The following CLVS1 variants were observed in gnomAD, a reference collection of about 807,000 sequenced individuals.
CLVS1 encodes the protein clavesin-1.
Under a neutral mutation model 33.1 loss-of-function variants are expected in CLVS1, and 10 were observed. That is an observed-to-expected ratio of 0.30 (90% CI 0.19 to 0.51). CLVS1 has a LOEUF of 0.51. CLVS1 is among the 20% of genes least tolerant of loss of function. The pLI is 0.97. For synonymous variants in CLVS1, 163 were observed against 166.1 expected, an observed-to-expected ratio of 0.98 and a Z score of 0.14; for missense variants, 343 against 433.4, an observed-to-expected ratio of 0.79 and a Z score of 1.85.
intron 2 of CLVS1, among the ~76,000 whole-genome samples, chr8:61,309,351 T>C (rs1810752718): frequency 6.6e-6 from 1 of 152,232 alleles, no homozygotes; most frequent in African/African-American, 2.4e-5. Flanking sequence ...GTTACAGTCA[T>C]CTGTCCTTGT....
chr8:61,246,082 T>C (rs990088655), intron 2 of CLVS1, among the ~76,000 whole-genome samples: 2 of 151,128 alleles, frequency 1.3e-5, no homozygotes, highest in African/African-American at 2.4e-5. Flanking sequence ...CTGTCTTATA[T>C]GTTTTAAGAT....
intron 2 of CLVS1, among the ~76,000 whole-genome samples, chr8:61,349,779 G>T (rs184635010): frequency 2.0e-5 from 3 of 152,116 alleles, no homozygotes; most frequent in Admixed American, 1.3e-4. Context: ...CCAGAATAAG[G>T]CTTCATAAAT....
At chr8:61,337,970 A>G (rs957371408) in intron 2 of CLVS1, among the ~76,000 whole-genome samples, 4 of 152,238 alleles carry the variant, frequency 2.6e-5, no homozygotes, top group African/African-American at 9.6e-5. Flanking sequence ...ACTGACTTTT[A>G]AATGATCTCC....
chr8:61,242,831 T>C (rs1264472094), intron 2 of CLVS1, among the ~76,000 whole-genome samples: 1 of 152,102 alleles, frequency 6.6e-6, no homozygotes, highest in African/African-American at 2.4e-5. Context: ...AAATAAAATG[T>C]ATTTTCTATT....
rs138152837 is a variant in CLVS1, at chr8:61,355,609, C to T, written c.456-20996C>T. Among the ~76,000 whole-genome samples, 744 of 152,240 alleles carry T rather than the reference C, an allele frequency of 4.9e-3. 6 individuals are homozygous for T. Among genetic ancestry groups the T allele is most frequent in the African/African-American group, 0.017 (704 of 41,546 alleles). On this transcript the variant is annotated intron_variant, in intron 2 of 5. Transcript: ENST00000325897. ...TCCCCAGAGCCTGATGTTCCCTTTC[C>T]TGTGTCCATGTGTTCTCATTGTTCA... is the stretch of plus-strand genomic sequence containing the variant.
intron 3 of CLVS1, among the ~76,000 whole-genome samples, chr8:61,439,482 T>C (rs1385228957): frequency 6.6e-6 from 1 of 152,186 alleles, no homozygotes; most frequent in Non-Finnish European, 1.5e-5. Flanking sequence ...ATTTCACTCC[T>C]TCTCTCCTCC....
Position 61,136,653 on chromosome 8 carries a change from TAGAA to T in CLVS1, c.-152+4794_-152+4797del, listed in dbSNP as rs1806195637. Among the ~76,000 whole-genome samples the T allele has an allele frequency of 2.0e-5, 3 of 151,926 alleles. 1 individual carries two copies. Among genetic ancestry groups the T allele is most frequent in the African/African-American group, 7.3e-5 (3 of 41,332 alleles). ...AATGATGAGAACACACATGGACACA[TAGAA>T]GGGAACAACACACACCGGGGCCTTT... On this transcript the variant is annotated intron_variant, in intron 2 of 2. Transcript: ENST00000522621.
the CLVS1 span, among the ~76,000 whole-genome samples, chr8:61,036,119 T>C: frequency 3.9e-5 from 6 of 152,354 alleles, no homozygotes; most frequent in Non-Finnish European, 2.9e-5. Flanking sequence ...GTATTGGCAT[T>C]GTAGGTTGTC....
chr8:61,487,141 C>G (rs1301991048), intron 5 of CLVS1, among the ~76,000 whole-genome samples: 1 of 152,094 alleles, frequency 6.6e-6, no homozygotes, highest in Non-Finnish European at 1.5e-5. Flanking sequence ...AGCTCCCAGG[C>G]TCTGCCCCTG....
intron 3 of CLVS1, among the ~76,000 whole-genome samples, chr8:61,402,038 A>G (rs980757417): frequency 1.3e-4 from 20 of 152,174 alleles, no homozygotes; most frequent in South Asian, 2.1e-4. Flanking sequence ...AATCTTAGGT[A>G]TCTTTTATTC....
intron 2 of CLVS1, among the ~76,000 whole-genome samples, chr8:61,308,677 C>T (rs906592855): frequency 6.6e-6 from 1 of 152,082 alleles, no homozygotes; most frequent in Non-Finnish European, 1.5e-5. Flanking sequence ...GGAGAGCCCT[C>T]GATGGAGACT....
In CLVS1 at chr8:61,119,212, T is replaced by C. The variant is rs190132515; in HGVS notation, c.-242-12558T>C. ...ATGGCAACCCCTGCCTTTATTTGTT[T>C]TCCATTTGCTTGGTAGATCTTCCTC... is the stretch of plus-strand genomic sequence containing the variant. On this transcript the variant is annotated intron_variant, in intron 1 of 2. Transcript: ENST00000522621. Among the ~76,000 whole-genome samples the C allele has an allele frequency of 5.3e-5, 8 of 152,316 alleles. No individual in the cohort carries two copies. In the East Asian group the frequency reaches 1.5e-3, roughly 29 times the overall value.
intron 2 of CLVS1, among the ~76,000 whole-genome samples, chr8:61,261,895 A>T (rs1272470168): frequency 1.3e-5 from 2 of 152,070 alleles, no homozygotes; most frequent in Non-Finnish European, 2.9e-5. Flanking sequence ...CATGTTCTTC[A>T]GGCAAGGTAC....
intron 3 of CLVS1, among the ~76,000 whole-genome samples, chr8:61,443,970 A>G (rs1816662934): frequency 6.6e-6 from 1 of 152,050 alleles, no homozygotes; most frequent in African/African-American, 2.4e-5. Context: ...TTTACACTTA[A>G]GTATTTAATA....
chr8:61,457,124 A>G (rs1817195886), intron 4 of CLVS1, among the ~76,000 whole-genome samples: 1 of 151,642 alleles, frequency 6.6e-6, no homozygotes, highest in South Asian at 2.1e-4. Flanking sequence ...TTTAGTAGAG[A>G]CAGGGTTTCA....
intron 2 of CLVS1, among the ~76,000 whole-genome samples, chr8:61,320,705 A>G (rs1811164080): frequency 6.6e-6 from 1 of 152,160 alleles, no homozygotes; most frequent in African/African-American, 2.4e-5. Flanking sequence ...GTAGGAGAAA[A>G]CAAGTTCTCT....
the CLVS1 span, among the ~76,000 whole-genome samples, chr8:60,970,036 C>CTAATAAT: frequency 6.6e-6 from 1 of 152,112 alleles, no homozygotes; most frequent in Non-Finnish European, 1.5e-5. Flanking sequence ...CGTCAAGGAG[C>CTAATAAT]AACTGTATTA....
upstream of CLVS1, among the ~76,000 whole-genome samples, chr8:61,052,505 GCC>G: frequency 6.4e-5 from 2 of 31,158 alleles, no homozygotes; most frequent in African/African-American, 3.2e-4. Context: ...AGGGAGTCAT[GCC>G]GAGATCTGGG....
At chr8:61,124,726 A>G (rs1445946699) in intron 1 of CLVS1, among the ~76,000 whole-genome samples, 3 of 152,176 alleles carry the variant, frequency 2.0e-5, no homozygotes, top group African/African-American at 7.2e-5. Context: ...AAAATTGTGA[A>G]TGTCTCCTAG....
Sources: allele counts gnomAD v4.1 joint callset (sites outside exome capture counted in the v4.1 genomes callset), GRCh38; gene constraint gnomAD v4.1.1; transcripts MANE v1.5; gene names NCBI Gene and HGNC (gene_info 2026-07-23, HGNC 2026-07-21).